NFIA: variants seen among roughly 807,000 people sequenced by gnomAD.
The protein encoded by NFIA is nuclear factor I A.
NFIA carries 8 observed loss-of-function variants against 62.8 expected under a neutral mutation model. The observed-to-expected ratio is 0.13, with a 90% CI of 0.07 to 0.23. The LOEUF (loss-of-function observed/expected upper bound fraction) is 0.23, where lower values mean the gene tolerates loss of function less well. Among genes scored for constraint, NFIA ranks in the 10% least tolerant of loss-of-function variants. The pLI, the probability that NFIA is intolerant of heterozygous loss-of-function variation, is 1.00. For synonymous variants in NFIA, 235 were observed against 238.1 expected (o/e 0.99, Z 0.12); for missense variants, 410 against 642.1 (o/e 0.64, Z 3.91).
Position 61,256,787 on chromosome 1 carries a change from T to C in NFIA, c.560-20733T>C, listed in dbSNP as rs552292562. ...TAGCAAAATACAAGGATCCAGTAAA[T>C]GATCCTTGTATCATTTATTTAGGAC... On this transcript the variant is annotated intron_variant, in intron 2 of 10. Transcript: ENST00000403491. 3.9e-5 allele frequency among the ~76,000 whole-genome samples: 6 copies of C among 152,280 alleles called. No homozygotes were observed. In the South Asian group the frequency reaches 1.2e-3, roughly 32 times the overall value.
chr1:61,384,611 T>C (rs750096739), intron 7 of NFIA, among the ~76,000 whole-genome samples: 2 of 152,198 alleles, frequency 1.3e-5, no homozygotes, highest in Non-Finnish European at 2.9e-5. Flanking sequence ...TATTAAGATA[T>C]TATCCTCATA....
At chr1:61,235,356 G>A (rs1192585960) in intron 2 of NFIA, among the ~76,000 whole-genome samples, 1 of 151,716 alleles carries the variant, frequency 6.6e-6, no homozygotes, top group African/African-American at 2.4e-5. Flanking sequence ...CCAGCTACTC[G>A]GGAGGCTGAG....
At position 61,115,568 on chromosome 1, in the gene NFIA, C is replaced by G. The variant is rs149947799; in HGVS notation, c.559+26888C>G. ...TGGCAAGGGACTTGCAGGGACAGAGCATGGAGATGGGCATATGTAGCGTGT... is the reference window on the plus strand; with the variant it reads ...TGGCAAGGGACTTGCAGGGACAGAGGATGGAGATGGGCATATGTAGCGTGT... On this transcript the variant is annotated intron_variant, in intron 2 of 10. Coordinates refer to ENST00000403491, the MANE Select transcript of NFIA (RefSeq NM_001134673.4). 2.7e-3 allele frequency among the ~76,000 whole-genome samples: 408 copies of G among 152,324 alleles called. 1 individual carries two copies. The highest frequency in any genetic ancestry group is 9.4e-3 in the African/African-American group (389 of 41,568).
intron 2 of NFIA, among the ~76,000 whole-genome samples, chr1:61,234,720 C>T (rs959355452): frequency 7.9e-5 from 12 of 152,208 alleles, no homozygotes; most frequent in Non-Finnish European, 1.8e-4. Context: ...ATATTCCCTC[C>T]TTTCTAGCTG....
intron 7 of NFIA, among the ~76,000 whole-genome samples, chr1:61,395,347 C>T (rs560075808): frequency 6.7e-6 from 1 of 149,016 alleles, no homozygotes; most frequent in East Asian, 2.0e-4. Context: ...AGCACTTGGT[C>T]GTTACGCAAG....
chr1:61,428,552 A>G (rs911375434), intron 10 of NFIA, among the ~76,000 whole-genome samples: 1 of 152,114 alleles, frequency 6.6e-6, no homozygotes, highest in Non-Finnish European at 1.5e-5. Flanking sequence ...CCAAAAAAAG[A>G]TATCTTGAGG....
chr1:61,099,584 A>G (rs1557564097), intron 2 of NFIA, among the ~76,000 whole-genome samples: 1 of 152,052 alleles, frequency 6.6e-6, no homozygotes, highest in South Asian at 2.1e-4. Flanking sequence ...GGTCCTTTTT[A>G]ACTTTTCCAA....
intron 10 of NFIA, among the ~76,000 whole-genome samples, chr1:61,451,357 G>A (rs544061478): frequency 5.9e-5 from 9 of 152,312 alleles, no homozygotes; most frequent in African/African-American, 1.9e-4. Context: ...GAGCTGTTTT[G>A]CATTACATGA....
chr1:61,201,795 A>C (rs956721878), intron 2 of NFIA, among the ~76,000 whole-genome samples: 2 of 152,210 alleles, frequency 1.3e-5, no homozygotes, highest in Admixed American at 1.3e-4. Context: ...TTCAGGTAAA[A>C]GATTTGTAGC....
intron 2 of NFIA, among the ~76,000 whole-genome samples, chr1:61,144,735 T>C (rs1345251676): frequency 6.6e-6 from 1 of 152,154 alleles, no homozygotes; most frequent in Non-Finnish European, 1.5e-5. Context: ...TGCTTTTCTC[T>C]CTCCAGGATC....
chr1:61,352,592 G>A lies in NFIA; in HGVS notation c.818+25G>A, dbSNP rs996835149. 2.0e-6 allele frequency: 3 copies of A among 1,531,700 alleles called. No homozygotes were observed. The African/African-American group carries it at 4.1e-5, about 21-fold the overall frequency. 94.9% of individuals were successfully genotyped at this position (1,531,700 alleles called of 1,614,324 possible). On this transcript the variant is annotated intron_variant, in intron 5 of 10. Coordinates refer to ENST00000403491, the MANE Select transcript of NFIA (RefSeq NM_001134673.4). ...GGTAATTTTATTGGCAGCTCTTGAA[G>A]AAATTATGCTACATGGTTGCACACC...
chr1:61,267,440 C>T (rs1475507756), intron 2 of NFIA, among the ~76,000 whole-genome samples: 2 of 151,770 alleles, frequency 1.3e-5, no homozygotes, highest in African/African-American at 2.4e-5. Flanking sequence ...ACTCAGGAGG[C>T]GGAGGTTGCA....
intron 4 of NFIA, among the ~76,000 whole-genome samples, chr1:61,345,326 T>G (rs560281944): frequency 6.6e-6 from 1 of 152,336 alleles, no homozygotes; most frequent in East Asian, 1.9e-4. Flanking sequence ...GGGTAATTAT[T>G]CACTCTTCTT....
chr1:61,178,901 A>G (rs1361630870), intron 2 of NFIA, among the ~76,000 whole-genome samples: 1 of 152,210 alleles, frequency 6.6e-6, no homozygotes, highest in Non-Finnish European at 1.5e-5. Flanking sequence ...TAATGAGCAG[A>G]TTATCACTGT....
intron 3 of NFIA, among the ~76,000 whole-genome samples, chr1:61,299,128 A>T (rs976982843): frequency 1.3e-5 from 2 of 152,148 alleles, no homozygotes; most frequent in Non-Finnish European, 2.9e-5. Flanking sequence ...AAAGAAGATG[A>T]TCTTCTCTAG....
intron 2 of NFIA, among the ~76,000 whole-genome samples, chr1:61,259,776 C>T (rs147953879): frequency 1.0e-3 from 153 of 152,236 alleles, no homozygotes; most frequent in African/African-American, 3.0e-3. Context: ...ACAGTTTAAC[C>T]GAAATCTTTT....
intron 2 of NFIA, among the ~76,000 whole-genome samples, chr1:61,119,891 C>T (rs1013593816): frequency 3.3e-5 from 5 of 152,136 alleles, no homozygotes; most frequent in African/African-American, 9.7e-5. Flanking sequence ...ATGCCCTGCT[C>T]ATCTGTGTCT....
At chr1:61,339,933 T>A (rs6685656) in intron 4 of NFIA, among the ~76,000 whole-genome samples, 6,350 of 152,264 alleles carry the variant, frequency 0.042, 445 homozygotes, top group African/African-American at 0.14. Flanking sequence ...GTGCCCTGGC[T>A]GTTGTCATGG....
intron 2 of NFIA, among the ~76,000 whole-genome samples, chr1:61,154,904 C>T (rs1648685236): frequency 6.6e-6 from 1 of 152,202 alleles, no homozygotes; most frequent in Admixed American, 6.5e-5. Context: ...CCTGGTTTAA[C>T]CAGGTTAGAT....
Sources: gnomAD v4.1 joint callset for allele counts (sites outside exome capture counted in the v4.1 genomes callset) on GRCh38, gnomAD v4.1.1 for gene constraint, MANE v1.5 for transcripts, NCBI Gene and HGNC (gene_info 2026-07-23, HGNC 2026-07-21) for gene names.